Variants in BTAF1 observed in about 807,000 individuals in gnomAD.
The protein encoded by BTAF1 is TATA-binding protein-associated factor 172.
In BTAF1, 38 loss-of-function variants were observed where a neutral mutation model predicts 227.1. The observed-to-expected ratio is 0.17, with a 90% CI of 0.13 to 0.22. BTAF1 has a LOEUF of 0.22. Ranked by LOEUF, BTAF1 falls within the 10% of genes least tolerant of loss-of-function variation. The probability of loss-of-function intolerance (pLI) is 1.00; values close to 1 mark genes in which losing one functional copy is unlikely to be tolerated. For missense variants in BTAF1, 1,598 were observed against 2,204.0 expected (o/e 0.73, Z 5.51); for synonymous variants, 742 against 751.9 (o/e 0.99, Z 0.21).
chr10:91,958,169 C>T (rs961098767), intron 8 of BTAF1, among the ~76,000 whole-genome samples: 3 of 152,078 alleles, frequency 2.0e-5, no homozygotes, highest in African/African-American at 7.2e-5. Flanking sequence ...CTGGCTTAGC[C>T]TCCTGAGTAG....
chr10:91,988,281 A>G (rs1564697349), intron 19 of BTAF1, among the ~76,000 whole-genome samples: 1 of 152,204 alleles, frequency 6.6e-6, no homozygotes, highest in African/African-American at 2.4e-5. Flanking sequence ...TGGTTGAATG[A>G]TTGAATTAAT....
chr10:91,928,616 A>G (rs1398045692), intron 1 of BTAF1, among the ~76,000 whole-genome samples: 1 of 152,136 alleles, frequency 6.6e-6, no homozygotes, highest in Non-Finnish European at 1.5e-5. Context: ...AATAAGTGTT[A>G]TATTTTTGAA....
chr10:92,026,287 G>C (rs1014278509), intron 35 of BTAF1, among the ~76,000 whole-genome samples: 12 of 152,018 alleles, frequency 7.9e-5, no homozygotes, highest in Non-Finnish European at 1.3e-4. Context: ...GTTCATAGTT[G>C]GGTTTATCTT....
chr10:91,952,558 G>A (rs1170340107), intron 5 of BTAF1, among the ~76,000 whole-genome samples: 3 of 152,170 alleles, frequency 2.0e-5, no homozygotes, highest in Non-Finnish European at 2.9e-5. Flanking sequence ...CTCCTGTCTT[G>A]TCATTCCCCT....
At chr10:92,021,991 C>T (rs1358763443) in intron 34 of BTAF1, among the ~76,000 whole-genome samples, 1 of 152,176 alleles carries the variant, frequency 6.6e-6, no homozygotes, top group Non-Finnish European at 1.5e-5. Context: ...GAAATGCTCT[C>T]TGGGGTGTCA....
chr10:91,930,401 G>A (rs1179268919), intron 1 of BTAF1, among the ~76,000 whole-genome samples: 1 of 152,148 alleles, frequency 6.6e-6, no homozygotes, highest in African/African-American at 2.4e-5. Context: ...TAGAGGTATA[G>A]CAGAGAAAAA....
chr10:92,018,939 T>C lies in BTAF1; in HGVS notation c.4863+4T>C. The C allele has an allele frequency of 1.3e-6, 2 of 1,543,380 alleles. No homozygotes were observed. Among genetic ancestry groups the C allele is most frequent in the Non-Finnish European group, 1.7e-6 (2 of 1,148,302 alleles). On this transcript the variant is annotated splice_donor_region_variant and intron_variant, in intron 34 of 37. Coordinates refer to ENST00000265990, the MANE Select transcript of BTAF1 (RefSeq NM_003972.3). ...TAAGCTCTCAGCTTTGAAACAAGTA[T>C]GTATGTCTTTTAAGTGTTAAATGTG...
At chr10:91,933,672 G>C (rs1166953835) in intron 1 of BTAF1, among the ~76,000 whole-genome samples, 1 of 152,184 alleles carries the variant, frequency 6.6e-6, no homozygotes, top group Non-Finnish European at 1.5e-5. Flanking sequence ...GTTCATTGGT[G>C]ACCTTCAGGT....
intron 35 of BTAF1, among the ~76,000 whole-genome samples, chr10:92,025,810 CA>C (rs71025383): frequency 0.28 from 24,482 of 86,606 alleles, 1,865 homozygotes; most frequent in South Asian, 0.45. Context: ...GACTCTGTCT[CA>C]AAAAAAAAAA....
intron 25 of BTAF1, among the ~76,000 whole-genome samples, chr10:92,000,361 C>T (rs1359546841): frequency 3.9e-5 from 6 of 152,086 alleles, no homozygotes; most frequent in Non-Finnish European, 5.9e-5. Flanking sequence ...AGATGATGAC[C>T]GCAGTTTTTG....
At position 91,942,720 on chromosome 10, in the gene BTAF1, G is replaced by A. The variant is rs1435070972; in HGVS notation, c.400+152G>A. 3 of 825,770 alleles carry A rather than the reference G, an allele frequency of 3.6e-6. No individual in the cohort carries two copies. In the Admixed American group the frequency reaches 8.5e-5, roughly 23 times the overall value. The allele number at this position is 825,770 out of a possible 1,614,324, so 51.2% of individuals were successfully genotyped here. On this transcript the variant is annotated intron_variant, in intron 4 of 37. Transcript: ENST00000265990. ...AGGTGGCGGGGGATGCTATGAATGGGAGGTAACCCAGCAGTATTTGGTTTA... is the reference window on the plus strand; with the variant it reads ...AGGTGGCGGGGGATGCTATGAATGGAAGGTAACCCAGCAGTATTTGGTTTA...
intron 33 of BTAF1, among the ~76,000 whole-genome samples, chr10:92,016,950 A>G (rs1223897180): frequency 6.6e-6 from 1 of 152,240 alleles, no homozygotes; most frequent in Non-Finnish European, 1.5e-5. Context: ...TTAAATGTAT[A>G]AAATGCAATA....
Position 91,993,837 on chromosome 10 carries a change from A to G in BTAF1, c.3189A>G (p.Ile1063Met). ...GCCCATTGAGGAATACAATCGACATAAATAATTTTGGTATACACATATTTT... is the reference window on the plus strand; with the variant it reads ...GCCCATTGAGGAATACAATCGACATGAATAATTTTGGTATACACATATTTT... The part of the protein sequence containing the change: ...MVGPLRNTID[I>M]NNFDGKSLLD... Residue 1063 changes from isoleucine to methionine, a missense_variant, in exon 22 of 38, where the codon ATA (isoleucine) becomes ATG (methionine). By Grantham distance (10) the Ile-to-Met change is conservative. This residue lies in a region of BTAF1 where 425 missense variants were observed against 491.2 expected (regional missense o/e 0.87). Coordinates refer to ENST00000265990, the MANE Select transcript of BTAF1 (RefSeq NM_003972.3). 1 of 1,593,106 alleles carries G rather than the reference A, an allele frequency of 6.3e-7. No individual in the cohort carries two copies. The highest frequency in any genetic ancestry group is 8.6e-7 in the Non-Finnish European group (1 of 1,168,658).
chr10:91,950,149 G>GTTGGC (rs142564084), intron 4 of BTAF1, among the ~76,000 whole-genome samples: 5 of 39,596 alleles, frequency 1.3e-4, no homozygotes, highest in East Asian at 3.8e-3. Flanking sequence ...TGTCCTTTGT[G>GTTGGC]GGGGGGGGCG....
chr10:91,995,709 C>T (rs1291081769), intron 23 of BTAF1, among the ~76,000 whole-genome samples: 4 of 151,938 alleles, frequency 2.6e-5, no homozygotes, highest in Non-Finnish European at 2.9e-5. Flanking sequence ...AAAGTAGAGT[C>T]CATCTGTACG....
intron 1 of BTAF1, chr10:91,935,215 A>G (rs1252176791): frequency 2.6e-5 from 4 of 153,738 alleles, no homozygotes; most frequent in Non-Finnish European, 5.8e-5. Flanking sequence ...CATATTATTC[A>G]CCTTAAACAT....
intron 32 of BTAF1, 147 bp from the exon 33 acceptor site, chr10:92,016,193 C>T: frequency 1.1e-6 from 1 of 889,454 alleles, no homozygotes; most frequent in Non-Finnish European, 1.6e-6. Context: ...ACCTGTAATT[C>T]CTGTAGTGAA....
At chr10:91,958,434 G>T (rs1564673182) in intron 8 of BTAF1, among the ~76,000 whole-genome samples, 1 of 152,110 alleles carries the variant, frequency 6.6e-6, no homozygotes, top group Non-Finnish European at 1.5e-5. Flanking sequence ...GGGCGTGGTG[G>T]CTCATGCCTG....
At chr10:91,928,727 G>A (rs529466469) in intron 1 of BTAF1, among the ~76,000 whole-genome samples, 2 of 148,320 alleles carry the variant, frequency 1.3e-5, no homozygotes, top group African/African-American at 5.1e-5. Context: ...TCGCAGCACT[G>A]CACTCCAGCC....
Sources: gnomAD v4.1 joint callset for allele counts (sites outside exome capture counted in the v4.1 genomes callset) on GRCh38, gnomAD v4.1.1 for gene constraint, gnomAD v4.1.1 regional missense constraint, MANE v1.5 for transcripts, NCBI Gene and HGNC (gene_info 2026-07-23, HGNC 2026-07-21) for gene names.